Variants in GLIS1 observed in about 807,000 individuals in gnomAD.
GLIS1 encodes the protein zinc finger protein GLIS1.
Under a neutral mutation model 63.8 loss-of-function variants are expected in GLIS1, and 24 were observed. That is an observed-to-expected ratio of 0.38 (90% confidence interval 0.27 to 0.53). The LOEUF is 0.53. Among genes scored for constraint, GLIS1 ranks in the 20% least tolerant of loss-of-function variants. GLIS1 has a pLI of 0.85. For synonymous variants in GLIS1, 450 were observed against 482.5 expected, an observed-to-expected ratio of 0.93 and a Z score of 0.88; for missense variants, 1,036 against 1,074.1, an observed-to-expected ratio of 0.96 and a Z score of 0.50.
intron 2 of GLIS1, among the ~76,000 whole-genome samples, chr1:53,611,150 C>T (rs1362234252): frequency 1.3e-5 from 2 of 152,050 alleles, no homozygotes; most frequent in East Asian, 1.9e-4. Context: ...TGTGGCATGA[C>T]CTTGGCTCCC....
chr1:53,624,573 T>G (rs1263440645), intron 2 of GLIS1, among the ~76,000 whole-genome samples: 2 of 151,912 alleles, frequency 1.3e-5, no homozygotes, highest in African/African-American at 4.8e-5. Flanking sequence ...CGGAGTCTCC[T>G]TCTATCACCC....
chr1:53,715,127 G>A (rs764392170), intron 2 of GLIS1, among the ~76,000 whole-genome samples: 2 of 152,120 alleles, frequency 1.3e-5, no homozygotes, highest in Admixed American at 6.5e-5. Context: ...TGTTACCTGG[G>A]CTGGTCTCGA....
intron 4 of GLIS1, among the ~76,000 whole-genome samples, chr1:53,565,632 A>G (rs1644930388): frequency 6.6e-6 from 1 of 152,066 alleles, no homozygotes; most frequent in Admixed American, 6.5e-5. Context: ...AAAATGGACA[A>G]ATTCCTTGGT....
At chr1:53,590,132 G>A (rs1456794756) in intron 4 of GLIS1, among the ~76,000 whole-genome samples, 1 of 152,208 alleles carries the variant, frequency 6.6e-6, no homozygotes, top group Non-Finnish European at 1.5e-5. Flanking sequence ...GCTGGAGTGT[G>A]ATGGGGAAGC....
intron 7 of GLIS1, 144 bp from the exon 8 acceptor site, chr1:53,514,925 G>A: frequency 9.8e-7 from 1 of 1,021,502 alleles, no homozygotes. Flanking sequence ...AAGTTTAGGG[G>A]CCCCAGTGAG....
rs1645234303 is a variant in GLIS1, at chr1:53,594,685, G to A, written c.743C>T (p.Thr248Ile). ...ACAGGGTGAGGAGGAGGCTGGGGAG[G>A]TGGGGGGTAGGCCCAAGACGCAGCA... ...KRCCVLGLPP[T>I]SPASSSPCAS... The change falls in exon 4 of 11, where the codon ACC becomes ATC. Residue 248 changes from threonine to isoleucine, a missense_variant. Thr to Ile is a moderately conservative substitution (Grantham distance 89). Coordinates refer to ENST00000628545, the MANE Select transcript of GLIS1 (RefSeq NM_001367484.1). The A allele has an allele frequency of 1.3e-6, 2 of 1,551,370 alleles. No homozygotes were observed. The highest frequency in any genetic ancestry group is 2.7e-5 in the African/African-American group (2 of 73,398).
In GLIS1 at chr1:53,677,235, C is replaced by G. The variant is rs145477651; in HGVS notation, c.259+60571G>C. On this transcript the variant is annotated intron_variant, in intron 2 of 10. Coordinates refer to ENST00000628545, the MANE Select transcript of GLIS1 (RefSeq NM_001367484.1). ...ATAATGGGAGTTACGGTTGCTACAT[C>G]CACTTTTCACCAACGAACAAAATTG... is the stretch of plus-strand genomic sequence containing the variant. Among the ~76,000 whole-genome samples the G allele has an allele frequency of 2.2e-3, 338 of 152,320 alleles. 1 individual carries two copies. Among genetic ancestry groups the G allele is most frequent in the African/African-American group, 6.7e-3 (277 of 41,566 alleles).
intron 2 of GLIS1, among the ~76,000 whole-genome samples, chr1:53,660,418 C>A (rs777271911): frequency 2.6e-5 from 4 of 152,214 alleles, no homozygotes; most frequent in African/African-American, 2.4e-5. Context: ...ATGAGGACAG[C>A]GTGCCCCATT....
intron 3 of GLIS1, among the ~76,000 whole-genome samples, chr1:53,599,617 G>A (rs779047306): frequency 2.6e-5 from 4 of 152,260 alleles, no homozygotes; most frequent in African/African-American, 9.6e-5. Context: ...TGTAGGAGGC[G>A]GGCGTCAGCC....
At chr1:53,726,822 T>C (rs557316775) in intron 2 of GLIS1, among the ~76,000 whole-genome samples, 2 of 152,212 alleles carry the variant, frequency 1.3e-5, no homozygotes, top group African/African-American at 4.8e-5. Context: ...TTCTTGTAAT[T>C]ACACCAAAAA....
chr1:53,594,303 C>T lies in GLIS1; in HGVS notation c.1125G>A (p.Val375=), dbSNP rs1394525135. ...VVAGRQACRW[V]DCCAAYEQQE... ...GCTGCTCATAGGCTGCACAGCAGTC[C>T]ACCCAGCGGCACGCCTGCCGCCCGG... Residue 375 remains valine, a synonymous_variant, in exon 4 of 11, where the codon GTG becomes GTA. Coordinates refer to ENST00000628545, the MANE Select transcript of GLIS1 (RefSeq NM_001367484.1). 2 of 1,612,346 alleles carry T rather than the reference C, an allele frequency of 1.2e-6. No individual in the cohort carries two copies. Among genetic ancestry groups the T allele is most frequent in the Non-Finnish European group, 8.5e-7 (1 of 1,179,820 alleles).
chr1:53,711,556 G>C (rs957711382), intron 2 of GLIS1, among the ~76,000 whole-genome samples: 1 of 152,084 alleles, frequency 6.6e-6, no homozygotes, highest in Non-Finnish European at 1.5e-5. Context: ...CGGGCCCCGG[G>C]GTCCGCCAAG....
Position 53,652,700 on chromosome 1 carries a change from C to T in GLIS1, c.260-52422G>A, listed in dbSNP as rs574659656. 3.3e-5 allele frequency among the ~76,000 whole-genome samples: 5 copies of T among 152,230 alleles called. No homozygotes were observed. In the South Asian group the frequency reaches 1.0e-3, roughly 32 times the overall value. ...TCTCTTCCATGTGTTTCCCGAGGCT[C>T]CTCGGTCCCTGTGCAACACAAGCCT... On this transcript the variant is annotated intron_variant, in intron 2 of 10. Transcript: ENST00000628545.
At chr1:53,563,340 T>C (rs578445) in intron 4 of GLIS1, among the ~76,000 whole-genome samples, 5 of 151,982 alleles carry the variant, frequency 3.3e-5, no homozygotes, top group Non-Finnish European at 7.4e-5. Context: ...GTGTAAGGAG[T>C]GAAAGGGCAC....
At chr1:53,731,162 G>A (rs989328309) in intron 2 of GLIS1, among the ~76,000 whole-genome samples, 1 of 152,202 alleles carries the variant, frequency 6.6e-6, no homozygotes, top group Non-Finnish European at 1.5e-5. Context: ...CAGTCAGGAC[G>A]GGAGTTGCCA....
chr1:53,696,240 A>T (rs1298229193), intron 2 of GLIS1, among the ~76,000 whole-genome samples: 1 of 152,270 alleles, frequency 6.6e-6, no homozygotes, highest in Non-Finnish European at 1.5e-5. Context: ...TCAAGCAATT[A>T]AATTGTAATA....
intron 5 of GLIS1, 79 bp downstream of exon 5, chr1:53,529,712 G>A: frequency 6.9e-7 from 1 of 1,447,938 alleles, no homozygotes; most frequent in East Asian, 2.3e-5. Context: ...ACAGGGTAAG[G>A]CAGGGGCTCT....
chr1:53,714,556 G>A (rs1646678411), intron 2 of GLIS1, among the ~76,000 whole-genome samples: 1 of 152,238 alleles, frequency 6.6e-6, no homozygotes, highest in Non-Finnish European at 1.5e-5. Flanking sequence ...AGTCCACGAT[G>A]GTCTGAAAGA....
intron 2 of GLIS1, among the ~76,000 whole-genome samples, chr1:53,636,221 T>A (rs370167167): frequency 6.6e-6 from 1 of 152,050 alleles, no homozygotes; most frequent in South Asian, 2.1e-4. Flanking sequence ...TGAAACCCAA[T>A]AGCATAAAAA....
Sources: gnomAD v4.1 joint callset for allele counts (sites outside exome capture counted in the v4.1 genomes callset) on GRCh38, gnomAD v4.1.1 for gene constraint, MANE v1.5 for transcripts, NCBI Gene and HGNC (gene_info 2026-07-23, HGNC 2026-07-21) for gene names.